Variants in SOX6 observed in about 807,000 individuals in gnomAD.
SOX6 encodes the protein transcription factor SOX-6.
A neutral mutation model predicts 97.8 loss-of-function variants in SOX6; 11 were observed. That is an observed-to-expected ratio of 0.11 (90% CI 0.07 to 0.19). The LOEUF is 0.19. Ranked by LOEUF, SOX6 falls within the 10% of genes least tolerant of loss-of-function variation. The pLI, the probability that SOX6 is intolerant of heterozygous loss-of-function variation, is 1.00. For synonymous variants in SOX6, 360 were observed against 371.4 expected, an observed-to-expected ratio of 0.97 and a Z score of 0.35; for missense variants, 810 against 1,039.5, an observed-to-expected ratio of 0.78 and a Z score of 3.04.
At chr11:16,382,047 T>TA (rs1490644984) in intron 1 of SOX6, among the ~76,000 whole-genome samples, 1 of 152,042 alleles carries the variant, frequency 6.6e-6, no homozygotes, top group Non-Finnish European at 1.5e-5. Context: ...GGCCATTTCT[T>TA]ACGTTTAATC....
intron 12 of SOX6, among the ~76,000 whole-genome samples, chr11:16,020,087 C>A (rs1220818918): frequency 6.6e-6 from 1 of 152,118 alleles, no homozygotes; most frequent in East Asian, 1.9e-4. Flanking sequence ...TAAAGACTCC[C>A]CTGCAAAAGC....
At chr11:16,608,013 T>G (rs1331175696) in intron 4 of SOX6, among the ~76,000 whole-genome samples, 1 of 150,554 alleles carries the variant, frequency 6.6e-6, no homozygotes, top group Non-Finnish European at 1.5e-5. Flanking sequence ...AAAGAGACGG[T>G]GAAGCAACTA....
chr11:16,014,798 A>G (rs1590130768), intron 13 of SOX6, 144 bp downstream of exon 13: 2 of 743,716 alleles, frequency 2.7e-6, no homozygotes, highest in Admixed American at 2.1e-5. Flanking sequence ...ATACATACGT[A>G]GTTGAAGAGT....
At chr11:16,486,582 T>C (rs1281513042) in intron 4 of SOX6, among the ~76,000 whole-genome samples, 2 of 152,156 alleles carry the variant, frequency 1.3e-5, no homozygotes, top group Admixed American at 6.5e-5. Flanking sequence ...AAATTGTGGC[T>C]GGGTGCGGTG....
At chr11:16,678,639 G>A (rs1036670094) in intron 3 of SOX6, among the ~76,000 whole-genome samples, 2 of 152,204 alleles carry the variant, frequency 1.3e-5, no homozygotes, top group Non-Finnish European at 2.9e-5. Flanking sequence ...AGCTGAAACA[G>A]GGCAGGACAT....
In SOX6 at chr11:16,133,052, T is replaced by TA. The variant is rs200015955; in HGVS notation, c.778-21130dup. Among the ~76,000 whole-genome samples the TA allele has an allele frequency of 1.8e-4, 27 of 151,238 alleles. No individual in the cohort carries two copies. In the South Asian group the frequency reaches 2.1e-3, roughly 12 times the overall value. On this transcript the variant is annotated intron_variant, in intron 6 of 15. Coordinates refer to ENST00000683767, the MANE Select transcript of SOX6 (RefSeq NM_001367873.1). ...AGATCTAACTCAGACCCCAGTAACA[T>TA]AAAAAAAAATGGCCTAATTTTGGTT...
At chr11:16,366,079 C>T (rs974129305) in intron 1 of SOX6, among the ~76,000 whole-genome samples, 18 of 152,034 alleles carry the variant, frequency 1.2e-4, no homozygotes, top group African/African-American at 4.1e-4. Flanking sequence ...ATTAATAAAG[C>T]CAAGCATTAA....
At chr11:16,201,115 CAA>C (rs58967902) in intron 4 of SOX6, among the ~76,000 whole-genome samples, 6 of 95,716 alleles carry the variant, frequency 6.3e-5, no homozygotes, top group African/African-American at 1.2e-4. Context: ...GACTCCGTCT[CAA>C]AAAAAAAAAA....
At chr11:16,528,381 A>G (rs1169392598) in intron 4 of SOX6, among the ~76,000 whole-genome samples, 1 of 152,136 alleles carries the variant, frequency 6.6e-6, no homozygotes, top group African/African-American at 2.4e-5. Context: ...TAGAAAATTC[A>G]GACTCAGAGA....
At chr11:16,344,729 T>C (rs1241681789) in intron 1 of SOX6, among the ~76,000 whole-genome samples, 2 of 152,092 alleles carry the variant, frequency 1.3e-5, no homozygotes, top group Non-Finnish European at 2.9e-5. Context: ...TCAAAATCCT[T>C]GTGGAAATGG....
chr11:16,307,747 C>T (rs752029433), intron 3 of SOX6, among the ~76,000 whole-genome samples: 3 of 152,058 alleles, frequency 2.0e-5, no homozygotes, highest in South Asian at 2.1e-4. Flanking sequence ...CTGTTGTTGC[C>T]GCTGTAATGG....
At chr11:15,980,712 TCTGACCTACCCAAA>T (rs2119816685) in intron 15 of SOX6, among the ~76,000 whole-genome samples, 1 of 152,150 alleles carries the variant, frequency 6.6e-6, no homozygotes, top group Admixed American at 6.6e-5. Flanking sequence ...TTCCCATAAG[TCTGACCTACCCAAA>T]CTTCAAGTCC....
At chr11:16,625,750 G>T (rs115750032) in intron 3 of SOX6, among the ~76,000 whole-genome samples, 1 of 152,208 alleles carries the variant, frequency 6.6e-6, no homozygotes, top group Admixed American at 6.5e-5. Flanking sequence ...AGAACTTCCA[G>T]ATTGGTAAAC....
intron 4 of SOX6, among the ~76,000 whole-genome samples, chr11:16,506,664 C>A (rs1015532102): frequency 2.0e-5 from 3 of 152,178 alleles, no homozygotes; most frequent in Non-Finnish European, 4.4e-5. Context: ...GAATTGTACT[C>A]CCCAGTGTTG....
intron 7 of SOX6, among the ~76,000 whole-genome samples, chr11:16,104,019 C>T (rs200544584): frequency 1.4e-4 from 21 of 147,998 alleles, no homozygotes; most frequent in African/African-American, 5.2e-4. Flanking sequence ...AAAAAATAAA[C>T]TCTCAAAGTT....
chr11:16,275,987 G>C (rs768636270), intron 3 of SOX6, among the ~76,000 whole-genome samples: 7 of 152,060 alleles, frequency 4.6e-5, no homozygotes, highest in African/African-American at 9.7e-5. Flanking sequence ...GATAGCACTT[G>C]ATATAATATG....
chr11:16,086,011 ACACTTTCCC>A (rs1381535741), intron 9 of SOX6, among the ~76,000 whole-genome samples: 1 of 152,184 alleles, frequency 6.6e-6, no homozygotes, highest in Non-Finnish European at 1.5e-5. Flanking sequence ...CAAGTTAGAG[ACACTTTCCC>A]CACAAGCTTC....
intron 9 of SOX6, among the ~76,000 whole-genome samples, chr11:16,064,477 A>G (rs1460644813): frequency 6.8e-6 from 1 of 147,344 alleles, no homozygotes; most frequent in Non-Finnish European, 1.5e-5. Context: ...CTCATTCTAC[A>G]AGGCCAGTAC....
intron 4 of SOX6, among the ~76,000 whole-genome samples, chr11:16,554,560 T>C (rs758245194): frequency 2.0e-5 from 3 of 152,028 alleles, no homozygotes; most frequent in Non-Finnish European, 4.4e-5. Flanking sequence ...GGCAGCTAAT[T>C]ATATAGTGTT....
Sources: gnomAD v4.1 joint callset for allele counts (sites outside exome capture counted in the v4.1 genomes callset) on GRCh38, gnomAD v4.1.1 for gene constraint, MANE v1.5 for transcripts, NCBI Gene and HGNC (gene_info 2026-07-23, HGNC 2026-07-21) for gene names.